Variants in NRXN3 observed in about 807,000 individuals in gnomAD.
The protein encoded by NRXN3 is neurexin III.
A neutral mutation model predicts 137.6 loss-of-function variants in NRXN3; 32 were observed. The ratio of observed to expected loss-of-function variants is 0.23; its 90% confidence interval spans 0.18 to 0.31. The LOEUF is 0.31. Ranked by LOEUF, NRXN3 falls within the 10% of genes least tolerant of loss-of-function variation. The pLI is 1.00. For synonymous variants in NRXN3, 798 were observed against 784.5 expected, an observed-to-expected ratio of 1.02 and a Z score of -0.29; for missense variants, 1,574 against 2,062.5, an observed-to-expected ratio of 0.76 and a Z score of 4.59.
At chr14:79,682,413 C>G (rs551681670) in intron 17 of NRXN3, among the ~76,000 whole-genome samples, 1 of 152,234 alleles carries the variant, frequency 6.6e-6, no homozygotes, top group South Asian at 2.1e-4. Context: ...CTACGGCATC[C>G]CCTGAGGTTA....
At chr14:78,906,909 G>A (rs2099218971) in intron 10 of NRXN3, among the ~76,000 whole-genome samples, 1 of 151,756 alleles carries the variant, frequency 6.6e-6, no homozygotes. Context: ...TGTGACTTGG[G>A]GCATGTGCTC....
Position 79,475,006 on chromosome 14 carries a change from CA to C in NRXN3, c.3444+7607del, listed in dbSNP as rs540561596. 4.4e-4 allele frequency among the ~76,000 whole-genome samples: 67 copies of C among 152,138 alleles called. 1 individual carries two copies. In the South Asian group the frequency reaches 0.013, roughly 31 times the overall value. ...TCTCCTTGGGTACCAGATAAAGTCA[CA>C]AAGAGCTTGGTCGTATACTCGGGGA... is the stretch of plus-strand genomic sequence containing the variant. On this transcript the variant is annotated intron_variant, in intron 16 of 20. Transcript: ENST00000335750.
intron 15 of NRXN3, among the ~76,000 whole-genome samples, chr14:79,324,968 C>A (rs2090632749): frequency 2.6e-5 from 4 of 152,144 alleles, no homozygotes; most frequent in Admixed American, 1.3e-4. Context: ...GCTCCAGTTG[C>A]CCTTCTTGTC....
intron 15 of NRXN3, among the ~76,000 whole-genome samples, chr14:79,064,821 G>A (rs1221776187): frequency 2.2e-5 from 3 of 136,068 alleles, no homozygotes; most frequent in African/African-American, 8.4e-5. Context: ...GTGTGTGTGT[G>A]TGTATATATA....
At position 79,763,645 on chromosome 14, in the gene NRXN3, G is replaced by A. The variant is rs142688169; in HGVS notation, c.4015-41467G>A. Among the ~76,000 whole-genome samples the A allele has an allele frequency of 3.9e-4, 28 of 71,116 alleles. 1 individual carries two copies. The highest frequency in any genetic ancestry group is 2.8e-3 in the African/African-American group (25 of 9,090). The allele number at this position is 71,116 out of a possible 152,430, so 46.7% of individuals were successfully genotyped here. A position where few individuals can be genotyped will look rare whatever the true frequency, so the allele number is the denominator to read the frequency against. On this transcript the variant is annotated intron_variant, in intron 19 of 20. Coordinates refer to ENST00000335750, the MANE Select transcript of NRXN3 (RefSeq NM_001330195.2). The stretch of plus-strand genomic sequence containing the variant: ...AGATCAAGACCCTGGCAGATGTGAT[G>A]TCTGGTGAGAGCTTCTTCCTGGTTC...
chr14:78,809,823 T>C (rs143881415), intron 9 of NRXN3, among the ~76,000 whole-genome samples: 1 of 151,094 alleles, frequency 6.6e-6, no homozygotes, highest in East Asian at 1.9e-4. Context: ...GTCAGACTGG[T>C]GATATGTCTT....
chr14:79,077,506 T>A (rs187415023), intron 15 of NRXN3, among the ~76,000 whole-genome samples: 1 of 152,354 alleles, frequency 6.6e-6, no homozygotes, highest in African/African-American at 2.4e-5. Flanking sequence ...TCCTTGTTAA[T>A]TCTTTTATCA....
intron 4 of NRXN3, among the ~76,000 whole-genome samples, chr14:78,447,045 C>T (rs2094438274): frequency 6.6e-6 from 1 of 152,204 alleles, no homozygotes. Flanking sequence ...GATGGTACTA[C>T]ATGGTCACTC....
chr14:78,255,159 C>T (rs2069343697), intron 2 of NRXN3, among the ~76,000 whole-genome samples: 1 of 128,558 alleles, frequency 7.8e-6, no homozygotes, highest in South Asian at 2.6e-4. Flanking sequence ...ATTTACCTGA[C>T]ACAGCAGCAG....
At chr14:78,808,720 G>A (rs895575435) in intron 9 of NRXN3, among the ~76,000 whole-genome samples, 1 of 152,100 alleles carries the variant, frequency 6.6e-6, no homozygotes, top group Non-Finnish European at 1.5e-5. Flanking sequence ...TTCTTCTCGG[G>A]AACAAATAAG....
chr14:79,808,604 T>C (rs2099219610), intron 20 of NRXN3, among the ~76,000 whole-genome samples: 1 of 152,136 alleles, frequency 6.6e-6, no homozygotes, highest in African/African-American at 2.4e-5. Context: ...CTTACTACTT[T>C]ATCTTCTTTC....
At chr14:79,840,230 G>A (rs1303017783) in intron 20 of NRXN3, among the ~76,000 whole-genome samples, 1 of 152,138 alleles carries the variant, frequency 6.6e-6, no homozygotes, top group Non-Finnish European at 1.5e-5. Flanking sequence ...GTTATTTAGA[G>A]TAGTGTTTCT....
chr14:79,036,255 G>A (rs150340261), intron 15 of NRXN3, among the ~76,000 whole-genome samples: 2 of 151,986 alleles, frequency 1.3e-5, no homozygotes, highest in Non-Finnish European at 2.9e-5. Context: ...AGCACCAATC[G>A]TCTTCCTCTT....
intron 4 of NRXN3, among the ~76,000 whole-genome samples, chr14:78,542,541 G>A (rs2096600571): frequency 6.6e-6 from 1 of 152,228 alleles, no homozygotes; most frequent in Non-Finnish European, 1.5e-5. Context: ...TAAGACCTTG[G>A]GAAAAGTGCA....
intron 16 of NRXN3, among the ~76,000 whole-genome samples, chr14:79,569,711 T>C (rs1253557010): frequency 1.3e-5 from 2 of 151,710 alleles, no homozygotes; most frequent in African/African-American, 4.8e-5. Flanking sequence ...CGGGTTCAAG[T>C]GATTCTCATG....
At chr14:78,221,602 T>C (rs1028920121) in intron 1 of NRXN3, among the ~76,000 whole-genome samples, 2 of 152,230 alleles carry the variant, frequency 1.3e-5, no homozygotes, top group African/African-American at 4.8e-5. Flanking sequence ...TAGTAAGCCT[T>C]GATTTAGCTT....
intron 15 of NRXN3, among the ~76,000 whole-genome samples, chr14:79,228,222 C>A (rs574269343): frequency 3.3e-5 from 5 of 152,136 alleles, no homozygotes. Flanking sequence ...AGCCATGTAG[C>A]TTATCCCTTT....
At chr14:78,505,372 C>T (rs1485059823) in intron 4 of NRXN3, among the ~76,000 whole-genome samples, 1 of 152,064 alleles carries the variant, frequency 6.6e-6, no homozygotes, top group Non-Finnish European at 1.5e-5. Context: ...TTTGTAATTC[C>T]ATCAAGGATT....
chr14:79,396,781 GTAT>G (rs1388907396), intron 15 of NRXN3, among the ~76,000 whole-genome samples: 1 of 152,050 alleles, frequency 6.6e-6, no homozygotes, highest in African/African-American at 2.4e-5. Context: ...AGAGGGAAGG[GTAT>G]TATTATTATT....
Sources: gnomAD v4.1 joint callset for allele counts (sites outside exome capture counted in the v4.1 genomes callset) on GRCh38, gnomAD v4.1.1 for gene constraint, MANE v1.5 for transcripts, NCBI Gene and HGNC (gene_info 2026-07-23, HGNC 2026-07-21) for gene names.